PTPRR: variants seen among roughly 807,000 people sequenced by gnomAD.
The protein encoded by PTPRR is receptor-type tyrosine-protein phosphatase R.
A neutral mutation model predicts 77.2 loss-of-function variants in PTPRR; 38 were observed. The observed-to-expected ratio is 0.49, with a 90% CI of 0.38 to 0.65. The LOEUF (loss-of-function observed/expected upper bound fraction) is 0.65. Ranked by LOEUF, PTPRR falls within the 30% of genes least tolerant of loss-of-function variation. The pLI, the probability that PTPRR is intolerant of heterozygous loss-of-function variation, is 0.00. For synonymous variants in PTPRR, 299 were observed against 283.1 expected (o/e 1.06, Z -0.57); for missense variants, 744 against 799.2 (o/e 0.93, Z 0.83).
intron 2 of PTPRR, among the ~76,000 whole-genome samples, chr12:70,816,037 G>T (rs1891897270): frequency 6.6e-6 from 1 of 152,088 alleles, no homozygotes; most frequent in Admixed American, 6.5e-5. Context: ...TCTTCTTAAT[G>T]TGTGAAATCA....
At chr12:70,787,428 G>C (rs1018494661) in intron 2 of PTPRR, among the ~76,000 whole-genome samples, 1 of 151,982 alleles carries the variant, frequency 6.6e-6, no homozygotes, top group African/African-American at 2.4e-5. Context: ...AATGCTGTAG[G>C]GCAAGGTATT....
At chr12:70,896,693 A>G (rs1040663307) in intron 1 of PTPRR, among the ~76,000 whole-genome samples, 2 of 151,834 alleles carry the variant, frequency 1.3e-5, no homozygotes, top group East Asian at 3.9e-4. Flanking sequence ...AAAATATAAC[A>G]TATCCTGAAT....
In PTPRR at chr12:70,656,781, T is replaced by C; in HGVS notation, c.1803A>G (p.Thr601=). 6.8e-6 allele frequency: 11 copies of C among 1,613,820 alleles called. No individual in the cohort carries two copies. Among genetic ancestry groups the C allele is most frequent in the Non-Finnish European group, 9.3e-6 (11 of 1,179,908 alleles). Residue 601 remains threonine (T), a synonymous_variant, in exon 13 of 14, where the codon ACA becomes ACG. Transcript: ENST00000283228. ...CTTTCAGCTGTTGACAGCCAATGGATGTAGCAATAAAACACCCTGTTCTAC... is the reference window on the plus strand; with the variant it reads ...CTTTCAGCTGTTGACAGCCAATGGACGTAGCAATAAAACACCCTGTTCTAC... ...GIGRTGCFIA[T]SIGCQQLKEE... is the part of the protein sequence containing the mutation.
chr12:70,671,902 C>A (rs924954105), intron 10 of PTPRR: 30 of 807,616 alleles, frequency 3.7e-5, no homozygotes, highest in Non-Finnish European at 6.1e-5. Context: ...GGACCAGCCA[C>A]CGCCGCCAGG....
At chr12:70,678,009 T>C (rs1438297522) in intron 10 of PTPRR, among the ~76,000 whole-genome samples, 1 of 152,190 alleles carries the variant, frequency 6.6e-6, no homozygotes, top group African/African-American at 2.4e-5. Flanking sequence ...AATTCATTGG[T>C]GAAGCCATCA....
rs115761133 is a variant in PTPRR at position 70,827,451 on chromosome 12, G to A, written c.358-62673C>T. On this transcript the variant is annotated intron_variant, in intron 2 of 13. Transcript: ENST00000283228. Reference sequence around the variant, plus strand: ...GTGTTTGGTAAAGGCCCAGTTCCTCGTTCATAGACAGTTGTCTTCTTGCTG... The same window carrying A: ...GTGTTTGGTAAAGGCCCAGTTCCTCATTCATAGACAGTTGTCTTCTTGCTG... 3.3e-3 allele frequency among the ~76,000 whole-genome samples: 506 copies of A among 152,212 alleles called. 1 individual carries two copies. Among genetic ancestry groups the A allele is most frequent in the African/African-American group, 0.011 (466 of 41,524 alleles).
At chr12:70,683,841 G>T (rs949746967) in intron 10 of PTPRR, among the ~76,000 whole-genome samples, 7 of 152,100 alleles carry the variant, frequency 4.6e-5, no homozygotes, top group Non-Finnish European at 7.4e-5. Context: ...AATGAATAAG[G>T]TTTTATTTAT....
intron 2 of PTPRR, among the ~76,000 whole-genome samples, chr12:70,815,052 A>G (rs1156330969): frequency 6.6e-6 from 1 of 151,496 alleles, no homozygotes; most frequent in Non-Finnish European, 1.5e-5. Context: ...AGATAAGGGC[A>G]TTAAAACAGT....
intron 6 of PTPRR, among the ~76,000 whole-genome samples, chr12:70,731,511 G>A (rs1046551452): frequency 6.6e-6 from 1 of 152,128 alleles, no homozygotes; most frequent in African/African-American, 2.4e-5. Flanking sequence ...GCATATTTAC[G>A]CTGTATTAAC....
At chr12:70,809,400 T>G (rs563384202) in intron 2 of PTPRR, among the ~76,000 whole-genome samples, 1 of 152,308 alleles carries the variant, frequency 6.6e-6, no homozygotes, top group Admixed American at 6.5e-5. Flanking sequence ...AATTATTCAT[T>G]GTGTTAGCCT....
chr12:70,755,986 G>C (rs1485789587), intron 4 of PTPRR, among the ~76,000 whole-genome samples: 1 of 152,072 alleles, frequency 6.6e-6, no homozygotes, highest in Non-Finnish European at 1.5e-5. Context: ...TGCTATAAAA[G>C]CAAACTAGTT....
At chr12:70,856,684 A>G (rs1238432749) in intron 2 of PTPRR, among the ~76,000 whole-genome samples, 3 of 152,118 alleles carry the variant, frequency 2.0e-5, no homozygotes, top group Non-Finnish European at 4.4e-5. Context: ...CAGGGCAGGA[A>G]ATTATTAGTC....
At chr12:70,847,785 T>G (rs1892509265) in intron 2 of PTPRR, among the ~76,000 whole-genome samples, 1 of 152,166 alleles carries the variant, frequency 6.6e-6, no homozygotes, top group African/African-American at 2.4e-5. Flanking sequence ...ACTTAGAGGT[T>G]CCAGAAAGAC....
chr12:70,884,840 C>A (rs1893210308), intron 2 of PTPRR, among the ~76,000 whole-genome samples: 1 of 128,448 alleles, frequency 7.8e-6, no homozygotes, highest in East Asian at 2.3e-4. Context: ...CCACTGCACT[C>A]CAGTCTGGGC....
chr12:70,820,722 G>C (rs1384144703), intron 2 of PTPRR, among the ~76,000 whole-genome samples: 13 of 152,202 alleles, frequency 8.5e-5, no homozygotes, highest in Admixed American at 8.5e-4. Context: ...CCAGTTTAGA[G>C]AGAATCCCCA....
At chr12:70,760,841 A>T (rs1403518432) in intron 4 of PTPRR, among the ~76,000 whole-genome samples, 1 of 152,170 alleles carries the variant, frequency 6.6e-6, no homozygotes, top group Non-Finnish European at 1.5e-5. Flanking sequence ...TTAGAGCGGG[A>T]TGGAGTAATA....
chr12:70,742,559 G>A (rs1023780304), intron 6 of PTPRR, among the ~76,000 whole-genome samples: 14 of 152,154 alleles, frequency 9.2e-5, no homozygotes, highest in African/African-American at 3.4e-4. Flanking sequence ...GATCAGAAAG[G>A]GCTTCATATT....
At chr12:70,754,463 C>T (rs2136949815) in intron 4 of PTPRR, 162 bp from the exon 5 acceptor site, 2 of 1,562,720 alleles carry the variant, frequency 1.3e-6, no homozygotes, top group East Asian at 4.5e-5. Context: ...TCTAAGACAA[C>T]AGACTGCCAT....
intron 2 of PTPRR, among the ~76,000 whole-genome samples, chr12:70,786,626 G>C (rs1891326985): frequency 6.6e-6 from 1 of 152,150 alleles, no homozygotes; most frequent in African/African-American, 2.4e-5. Flanking sequence ...CTGATCACAA[G>C]AGTAGTTTGA....
Sources: gnomAD v4.1 joint callset for allele counts (sites outside exome capture counted in the v4.1 genomes callset) on GRCh38, gnomAD v4.1.1 for gene constraint, MANE v1.5 for transcripts, NCBI Gene and HGNC (gene_info 2026-07-23, HGNC 2026-07-21) for gene names.